The following PCBD1 variants were observed in gnomAD, a reference collection of about 807,000 sequenced individuals.
The protein encoded by PCBD1 is pterin-4-alpha-carbinolamine dehydratase.
PCBD1 carries 16 observed loss-of-function variants against 12.6 expected under a neutral mutation model. That is an observed-to-expected ratio of 1.27 (90% CI 0.86 to 1.93). PCBD1 has a LOEUF of 1.93. PCBD1 is among the 30% of genes most tolerant of loss of function. The probability of loss-of-function intolerance (pLI) is 0.00; values close to 1 mark genes in which losing one functional copy is unlikely to be tolerated. For synonymous variants in PCBD1, 53 were observed against 50.2 expected, an observed-to-expected ratio of 1.05 and a Z score of -0.23; for missense variants, 86 against 130.1, an observed-to-expected ratio of 0.66 and a Z score of 1.65.
chr10:70,882,881 TATTTGC>T (rs1344433788), downstream of PCBD1, among the ~76,000 whole-genome samples: 12 of 152,356 alleles, frequency 7.9e-5, no homozygotes, highest in African/African-American at 2.6e-4. Context: ...GATTTTGGAA[TATTTGC>T]ATTATACTGA....
At chr10:70,886,625 A>AGTCC (rs1846588716) in intron 1 of PCBD1, among the ~76,000 whole-genome samples, 2 of 152,170 alleles carry the variant, frequency 1.3e-5, no homozygotes, top group East Asian at 3.9e-4. Context: ...CACTACCTCT[A>AGTCC]GTAGGTCCTC....
intron 1 of PCBD1, among the ~76,000 whole-genome samples, chr10:70,887,649 G>A (rs1424556531): frequency 2.0e-5 from 3 of 152,160 alleles, no homozygotes; most frequent in East Asian, 1.9e-4. Flanking sequence ...CACAGCCTGC[G>A]GCTGAACTGA....
At chr10:70,888,384 G>T in intron 1 of PCBD1, 147 bp downstream of exon 1, 1 of 913,408 alleles carries the variant, frequency 1.1e-6, no homozygotes, top group Non-Finnish European at 1.5e-6. Context: ...GCCAGCGACA[G>T]AGAGCCGGGC....
chr10:70,882,945 A>G (rs1767233), downstream of PCBD1, among the ~76,000 whole-genome samples: 6,561 of 144,774 alleles, frequency 0.045, 155 homozygotes, highest in Middle Eastern at 0.088. Context: ...AAATGATCCA[A>G]TGAGTATTTC....
chr10:70,886,418 G>A (rs1305715470), intron 1 of PCBD1, among the ~76,000 whole-genome samples: 1 of 152,046 alleles, frequency 6.6e-6, no homozygotes, highest in Non-Finnish European at 1.5e-5. Flanking sequence ...CGTCCCTACC[G>A]TAACTTTCAC....
chr10:70,882,721 C>G (rs1846518921), downstream of PCBD1, among the ~76,000 whole-genome samples: 1 of 152,228 alleles, frequency 6.6e-6, no homozygotes, highest in Non-Finnish European at 1.5e-5. Context: ...AACACCCTCA[C>G]AGACACACCC....
chr10:70,883,741 G>A lies in PCBD1; in HGVS notation c.*209C>T. On this transcript the variant is annotated 3_prime_UTR_variant, in exon 4 of 4. Coordinates refer to ENST00000299299, the MANE Select transcript of PCBD1 (RefSeq NM_000281.4). ...TCAAATTAGTGTAACAGAGCCCCCA[G>A]GATGAAGAGAGTGGTGCAGGGAAAA... 1.4e-6 allele frequency: 2 copies of A among 1,438,722 alleles called. No individual in the cohort carries two copies. The highest frequency in any genetic ancestry group is 1.8e-6 in the Non-Finnish European group (2 of 1,095,668). The allele number at this position is 1,438,722 out of a possible 1,614,324, so 89.1% of individuals were successfully genotyped here.
At position 70,883,867 on chromosome 10, in the gene PCBD1, G is replaced by A. The variant is rs2131965490; in HGVS notation, c.*83C>T. ...GGTCTTGGGAGGGGAGTGGTGGGAG[G>A]GTAAGGGCTCCTCAGCTCCCTCCCT... On this transcript the variant is annotated 3_prime_UTR_variant, in exon 4 of 4. Coordinates refer to ENST00000299299, the MANE Select transcript of PCBD1 (RefSeq NM_000281.4). 1 of 1,553,916 alleles carries A rather than the reference G, an allele frequency of 6.4e-7. No homozygotes were observed. The highest frequency in any genetic ancestry group is 8.7e-7 in the Non-Finnish European group (1 of 1,149,026).
At chr10:70,884,080 G>A in intron 3 of PCBD1, 32 bp from the exon 4 acceptor site, 1 of 1,606,298 alleles carries the variant, frequency 6.2e-7, no homozygotes, top group South Asian at 1.1e-5. Flanking sequence ...TGCTTCCACT[G>A]ACTTCACTTA....
intron 1 of PCBD1, 142 bp downstream of exon 1, chr10:70,888,389 C>T: frequency 2.1e-6 from 2 of 940,666 alleles, no homozygotes; most frequent in Non-Finnish European, 2.9e-6. Flanking sequence ...CGACAGAGAG[C>T]CGGGCAGAGA....
intron 3 of PCBD1, among the ~76,000 whole-genome samples, chr10:70,884,543 T>C (rs1188296780): frequency 7.2e-6 from 1 of 138,988 alleles, no homozygotes; most frequent in African/African-American, 2.7e-5. Flanking sequence ...GTGCAGTGGC[T>C]CAATCTCTGC....
At chr10:70,887,028 T>A (rs12769766) in intron 1 of PCBD1, among the ~76,000 whole-genome samples, 17,442 of 152,100 alleles carry the variant, frequency 0.11, 1,242 homozygotes, top group Non-Finnish European at 0.16. Flanking sequence ...TTGATTTAGC[T>A]TTTATGAGGC....
At position 70,885,181 on chromosome 10, in the gene PCBD1, G is replaced by T; in HGVS notation, c.187C>A (p.His63Asn). The T allele has an allele frequency of 1.2e-6, 2 of 1,613,998 alleles. No homozygotes were observed. The highest frequency in any genetic ancestry group is 1.7e-6 in the Non-Finnish European group (2 of 1,179,942). The change falls in exon 3 of 4, where the codon CAT (histidine) becomes AAT (asparagine). Residue 63 changes from histidine (H) to asparagine (N), a missense_variant. Transcript: ENST00000299299. The stretch of plus-strand genomic sequence containing the variant: ...TTGTACACGTTAAACCATTCAGGAT[G>T]GTGGTCCAGTTTCTCAGCCTGCAGG... ...VALQAEKLDH[H>N]PEWFNVYNKV...
chr10:70,883,547 A>G lies in PCBD1; in HGVS notation c.*403T>C. 1 of 1,109,226 alleles carries G rather than the reference A, an allele frequency of 9.0e-7. No homozygotes were observed. Among genetic ancestry groups the G allele is most frequent in the Non-Finnish European group, 1.1e-6 (1 of 901,920 alleles). The allele number at this position is 1,109,226 out of a possible 1,614,324, so 68.7% of individuals were successfully genotyped here. On this transcript the variant is annotated 3_prime_UTR_variant, in exon 4 of 4. Transcript: ENST00000299299. ...ATAGTTTTATTTGAGACATAAAAACACATGTGTTTCTATTACATAGTGTGG... is the reference window on the plus strand; with the variant it reads ...ATAGTTTTATTTGAGACATAAAAACGCATGTGTTTCTATTACATAGTGTGG...
chr10:70,885,828 G>A lies in PCBD1; in HGVS notation c.105C>T (p.Phe35=), dbSNP rs1161053177. ...TGAAGTCTTTGAAATGAAACTGCTT[G>A]AAGATGGCATCACGGCCTTCCAGCT... The part of the protein sequence containing the change: ...WNELEGRDAI[F]KQFHFKDFNR... The change falls in exon 2 of 4, where the codon TTC becomes TTT. Residue 35 remains phenylalanine, a synonymous_variant. Coordinates refer to ENST00000299299, the MANE Select transcript of PCBD1 (RefSeq NM_000281.4). 6.2e-7 allele frequency: 1 copy of A among 1,614,086 alleles called. No homozygotes were observed. The highest frequency in any genetic ancestry group is 8.5e-7 in the Non-Finnish European group (1 of 1,180,012).
intron 1 of PCBD1, 78 bp downstream of exon 1, chr10:70,888,453 G>A (rs1477557618): frequency 3.5e-6 from 5 of 1,430,080 alleles, no homozygotes; most frequent in East Asian, 3.0e-5. Flanking sequence ...ACTTTCCCCC[G>A]CCCCTTCCCG....
At chr10:70,884,478 ATTT>A (rs71012255) in intron 3 of PCBD1, among the ~76,000 whole-genome samples, 1 of 108,464 alleles carries the variant, frequency 9.2e-6, no homozygotes, top group Non-Finnish European at 1.7e-5. Flanking sequence ...ATGTGTCTGT[ATTT>A]TTTTTTTTTT....
chr10:70,882,942 C>A (rs1440476088), downstream of PCBD1, among the ~76,000 whole-genome samples: 1 of 148,034 alleles, frequency 6.8e-6, no homozygotes, highest in Non-Finnish European at 1.5e-5. Flanking sequence ...CTAAAATGAT[C>A]CAATGAGTAT....
At chr10:70,885,383 T>C (rs1315386855) in intron 2 of PCBD1, 151 bp from the exon 3 acceptor site, 1 of 713,172 alleles carries the variant, frequency 1.4e-6, no homozygotes, top group Admixed American at 2.0e-5. Context: ...TGTCACTGGT[T>C]CTCAGGCTTG....
Sources: gnomAD v4.1 joint callset for allele counts (sites outside exome capture counted in the v4.1 genomes callset) on GRCh38, gnomAD v4.1.1 for gene constraint, MANE v1.5 for transcripts, NCBI Gene and HGNC (gene_info 2026-07-23, HGNC 2026-07-21) for gene names.